CATSPER3: variants seen among roughly 807,000 people sequenced by gnomAD.
The protein encoded by CATSPER3 is cation channel sperm-associated protein 3.
CATSPER3 carries 23 observed loss-of-function variants against 36.6 expected under a neutral mutation model. The observed-to-expected ratio is 0.63, with a 90% CI of 0.45 to 0.89. The LOEUF (loss-of-function observed/expected upper bound fraction) is 0.89, where lower values mean the gene tolerates loss of function less well. CATSPER3 is among the 40% of genes least tolerant of loss of function. The pLI is 0.00. For synonymous variants in CATSPER3, 172 were observed against 184.1 expected (o/e 0.93, Z 0.53); for missense variants, 474 against 503.9 (o/e 0.94, Z 0.57).
chr5:134,995,164 A>T (rs1751929562), intron 2 of CATSPER3, among the ~76,000 whole-genome samples: 2 of 151,634 alleles, frequency 1.3e-5, no homozygotes. Context: ...ATTCTCTTCT[A>T]GTTATCTTGA....
chr5:134,973,722 T>A (rs994594370), intron 2 of CATSPER3, among the ~76,000 whole-genome samples: 31 of 152,260 alleles, frequency 2.0e-4, no homozygotes, highest in African/African-American at 7.2e-4. Context: ...TTGAAACTCA[T>A]TAAATAATCT....
Position 135,006,688 on chromosome 5 carries a change from A to T in CATSPER3, c.493-1269A>T, listed in dbSNP as rs1019849951. Among the ~76,000 whole-genome samples the T allele has an allele frequency of 4.5e-4, 69 of 151,908 alleles. 1 individual carries two copies. The highest frequency in any genetic ancestry group is 7.7e-4 in the Non-Finnish European group (52 of 67,966). ...ATCTCTACTAAAAATACAAAAAAAA[A>T]TTAGCCGGGCGCAGTGGCGGGCACC... On this transcript the variant is annotated intron_variant, in intron 3 of 7. Coordinates refer to ENST00000282611, the MANE Select transcript of CATSPER3 (RefSeq NM_178019.3).
At chr5:135,006,759 A>C (rs948885506) in intron 3 of CATSPER3, among the ~76,000 whole-genome samples, 7 of 149,694 alleles carry the variant, frequency 4.7e-5, no homozygotes, top group African/African-American at 1.5e-4. Flanking sequence ...AATGGCATGA[A>C]CCCGGGAGGC....
At chr5:134,973,158 A>G (rs1193180299) in intron 2 of CATSPER3, among the ~76,000 whole-genome samples, 2 of 152,204 alleles carry the variant, frequency 1.3e-5, no homozygotes, top group Non-Finnish European at 2.9e-5. Flanking sequence ...GCCAACCAAA[A>G]TGATTAGAGA....
chr5:135,009,320 C>G (rs543188836), intron 5 of CATSPER3, 51 bp from the exon 6 acceptor site: 2 of 1,596,994 alleles, frequency 1.3e-6, no homozygotes, highest in Admixed American at 1.7e-5. Flanking sequence ...AAGACTGGGT[C>G]TGGGCATGTA....
At chr5:134,977,343 T>A (rs1179027739) in intron 2 of CATSPER3, among the ~76,000 whole-genome samples, 1 of 152,214 alleles carries the variant, frequency 6.6e-6, no homozygotes, top group Non-Finnish European at 1.5e-5. Flanking sequence ...TTTTGCTGCT[T>A]AGAAATTTCT....
chr5:135,000,962 G>A (rs748405242), intron 3 of CATSPER3, among the ~76,000 whole-genome samples: 2 of 151,952 alleles, frequency 1.3e-5, no homozygotes, highest in Non-Finnish European at 2.9e-5. Context: ...CTTGCCTTCT[G>A]CTAGCTTTTG....
At position 134,999,485 on chromosome 5, in the gene CATSPER3, T is replaced by C. The variant is rs923659987; in HGVS notation, c.492+2973T>C. Among the ~76,000 whole-genome samples, 33 of 152,330 alleles carry C rather than the reference T, an allele frequency of 2.2e-4. 2 individuals carry two copies. The South Asian group carries it at 3.7e-3, about 17-fold the overall frequency. Reference sequence around the variant, plus strand: ...CTTGATGGGGATGGCATTGAATCTATAAATTACCTTGGGCAGTATGGCCAT... The same window carrying C: ...CTTGATGGGGATGGCATTGAATCTACAAATTACCTTGGGCAGTATGGCCAT... On this transcript the variant is annotated intron_variant, in intron 3 of 7. Coordinates refer to ENST00000282611, the MANE Select transcript of CATSPER3 (RefSeq NM_178019.3).
intron 2 of CATSPER3, among the ~76,000 whole-genome samples, chr5:134,976,898 A>G (rs1580903228): frequency 6.6e-6 from 1 of 152,340 alleles, no homozygotes; most frequent in South Asian, 2.1e-4. Context: ...TGGGTTCCAG[A>G]GCAGACCTTA....
chr5:134,971,301 G>A (rs1751603828), intron 2 of CATSPER3, among the ~76,000 whole-genome samples: 2 of 151,968 alleles, frequency 1.3e-5, no homozygotes, highest in African/African-American at 4.8e-5. Context: ...CATACCTTGA[G>A]TCCCAGCTAC....
intron 2 of CATSPER3, among the ~76,000 whole-genome samples, chr5:134,980,433 CT>C (rs1172133000): frequency 1.1e-3 from 99 of 93,150 alleles, no homozygotes; most frequent in East Asian, 2.3e-3. Context: ...TTCTTTCTTT[CT>C]TTTTTTTTTT....
chr5:134,990,729 C>T (rs989378067), intron 2 of CATSPER3, among the ~76,000 whole-genome samples: 7 of 152,108 alleles, frequency 4.6e-5, no homozygotes, highest in Admixed American at 6.5e-5. Context: ...AGGGTTGCCA[C>T]GAAAGTTAAA....
intron 1 of CATSPER3, 43 bp downstream of exon 1, chr5:134,968,132 G>A (rs375019386): frequency 2.7e-4 from 376 of 1,381,514 alleles, no homozygotes; most frequent in Non-Finnish European, 3.8e-4. Context: ...AAATGTGCTA[G>A]TAGAAGTGTG....
At chr5:134,993,962 T>C (rs1281414288) in intron 2 of CATSPER3, among the ~76,000 whole-genome samples, 1 of 152,070 alleles carries the variant, frequency 6.6e-6, no homozygotes, top group Non-Finnish European at 1.5e-5. Context: ...CCATCTCTAC[T>C]AAAAATACAA....
chr5:134,997,488 C>T (rs992187379), intron 3 of CATSPER3, among the ~76,000 whole-genome samples: 7 of 151,972 alleles, frequency 4.6e-5, no homozygotes, highest in African/African-American at 9.7e-5. Flanking sequence ...CTTCCCTGTC[C>T]GTCATTTATG....
chr5:134,985,401 G>T (rs540739430), intron 2 of CATSPER3, among the ~76,000 whole-genome samples: 2 of 152,278 alleles, frequency 1.3e-5, no homozygotes, highest in Non-Finnish European at 2.9e-5. Flanking sequence ...AAACAGAGTG[G>T]TATAATGGAC....
At chr5:134,978,640 C>G (rs933614623) in intron 2 of CATSPER3, among the ~76,000 whole-genome samples, 1 of 151,690 alleles carries the variant, frequency 6.6e-6, no homozygotes, top group Non-Finnish European at 1.5e-5. Context: ...AAGAAATAAA[C>G]ATGTAAAGAC....
intron 2 of CATSPER3, among the ~76,000 whole-genome samples, chr5:134,972,461 A>G (rs1434569297): frequency 2.6e-5 from 4 of 152,222 alleles, no homozygotes; most frequent in Admixed American, 6.5e-5. Flanking sequence ...GTGAAAAGAC[A>G]AAACTCAGGA....
Position 134,990,878 on chromosome 5 carries a change from CAA to C in CATSPER3, c.253-5394_253-5393del, listed in dbSNP as rs905354115. Among the ~76,000 whole-genome samples, 60 of 152,238 alleles carry C rather than the reference CAA, an allele frequency of 3.9e-4. 1 individual carries two copies. Among genetic ancestry groups the C allele is most frequent in the African/African-American group, 1.3e-3 (56 of 41,544 alleles). On this transcript the variant is annotated intron_variant, in intron 2 of 7. Coordinates refer to ENST00000282611, the MANE Select transcript of CATSPER3 (RefSeq NM_178019.3). ...AAGAATCCATATACTCACATACACACAAGAGGTATTAAACAAATTCAGCAAAG... is the reference window on the plus strand; with the variant it reads ...AAGAATCCATATACTCACATACACACGAGGTATTAAACAAATTCAGCAAAG...
Sources: gnomAD v4.1 joint callset for allele counts (sites outside exome capture counted in the v4.1 genomes callset) on GRCh38, gnomAD v4.1.1 for gene constraint, MANE v1.5 for transcripts, NCBI Gene and HGNC (gene_info 2026-07-23, HGNC 2026-07-21) for gene names.